PTPRT: variants seen among roughly 807,000 people sequenced by gnomAD.
PTPRT encodes protein tyrosine phosphatase receptor type T, also known as receptor-type tyrosine-protein phosphatase T.
PTPRT carries 56 observed loss-of-function variants against 176.8 expected under a neutral mutation model. That is an observed-to-expected ratio of 0.32 (90% CI 0.26 to 0.40). The LOEUF is 0.40. Among genes scored for constraint, PTPRT ranks in the 10% least tolerant of loss-of-function variants. PTPRT has a pLI of 1.00. For synonymous variants in PTPRT, 783 were observed against 739.0 expected, an observed-to-expected ratio of 1.06 and a Z score of -0.96; for missense variants, 1,540 against 1,908.2, an observed-to-expected ratio of 0.81 and a Z score of 3.60.
At chr20:42,693,511 G>T (rs2075823050) in intron 6 of PTPRT, among the ~76,000 whole-genome samples, 2 of 152,084 alleles carry the variant, frequency 1.3e-5, no homozygotes, top group Non-Finnish European at 2.9e-5. Context: ...CAGTAATTAA[G>T]AAATTGAAAA....
chr20:42,481,814 G>GTA (rs2071391349), intron 7 of PTPRT, among the ~76,000 whole-genome samples: 1 of 150,938 alleles, frequency 6.6e-6, no homozygotes, highest in African/African-American at 2.4e-5. Flanking sequence ...ACGCGCGCAT[G>GTA]TATATATATG....
chr20:42,841,658 CAT>C (rs1322699438), intron 2 of PTPRT, among the ~76,000 whole-genome samples: 2 of 142,872 alleles, frequency 1.4e-5, no homozygotes, highest in Non-Finnish European at 3.1e-5. Context: ...CACACACACA[CAT>C]AATCTCTCTC....
At position 42,521,310 on chromosome 20, in the gene PTPRT, C is replaced by T. The variant is rs150971313; in HGVS notation, c.1154-48748G>A. Among the ~76,000 whole-genome samples, 12 of 152,172 alleles carry T rather than the reference C, an allele frequency of 7.9e-5. No homozygotes were observed. In the East Asian group the frequency reaches 2.3e-3, roughly 29 times the overall value. On this transcript the variant is annotated intron_variant, in intron 7 of 30. Coordinates refer to ENST00000373187, the MANE Select transcript of PTPRT (RefSeq NM_007050.6). ...GTTCTCCTATCTTACAAATGTATTG[C>T]CTTTCTTCTTCACCAAGAATCCTGG...
chr20:42,859,407 C>T (rs1049656864), intron 2 of PTPRT, among the ~76,000 whole-genome samples: 1 of 152,116 alleles, frequency 6.6e-6, no homozygotes, highest in Admixed American at 6.5e-5. Flanking sequence ...CCAACTTGTA[C>T]TTATACCAAC....
chr20:42,430,504 C>T (rs893878286), intron 9 of PTPRT, among the ~76,000 whole-genome samples: 2 of 152,230 alleles, frequency 1.3e-5, no homozygotes, highest in African/African-American at 2.4e-5. Flanking sequence ...GCTTGAGAGG[C>T]CCAACTGCTT....
chr20:42,410,681 C>T (rs2059006812), intron 9 of PTPRT, among the ~76,000 whole-genome samples: 1 of 151,774 alleles, frequency 6.6e-6, no homozygotes, highest in African/African-American at 2.4e-5. Flanking sequence ...TACTATGAAA[C>T]AAATCCTAAC....
chr20:42,967,465 C>T (rs1390367822), intron 1 of PTPRT, among the ~76,000 whole-genome samples: 2 of 152,158 alleles, frequency 1.3e-5, no homozygotes, highest in Non-Finnish European at 2.9e-5. Flanking sequence ...GATGCGGCCA[C>T]AAAGAACGCT....
chr20:42,927,718 G>A (rs1300065874), intron 1 of PTPRT, among the ~76,000 whole-genome samples: 1 of 152,172 alleles, frequency 6.6e-6, no homozygotes, highest in East Asian at 1.9e-4. Context: ...CCATCAGCAT[G>A]CAAGTCCACG....
intron 1 of PTPRT, among the ~76,000 whole-genome samples, chr20:42,904,694 A>G (rs2079450886): frequency 6.6e-6 from 1 of 152,180 alleles, no homozygotes; most frequent in South Asian, 2.1e-4. Flanking sequence ...GCACTTCCCA[A>G]GACCACCCTG....
chr20:42,438,189 T>C (rs1401403528), intron 9 of PTPRT, among the ~76,000 whole-genome samples: 2 of 152,210 alleles, frequency 1.3e-5, no homozygotes, highest in Admixed American at 6.5e-5. Flanking sequence ...GCCCACGCCC[T>C]GACAAATGCA....
At chr20:43,089,417 A>G (rs1286090408) in intron 1 of PTPRT, among the ~76,000 whole-genome samples, 1 of 152,254 alleles carries the variant, frequency 6.6e-6, no homozygotes, top group African/African-American at 2.4e-5. Context: ...AACTGCCTCC[A>G]TGTTGGTCAG....
chr20:42,322,732 T>A (rs931290656), intron 11 of PTPRT, among the ~76,000 whole-genome samples: 4 of 151,830 alleles, frequency 2.6e-5, no homozygotes, highest in African/African-American at 9.7e-5. Flanking sequence ...ACCAAAGCAA[T>A]GGCAACAAAA....
chr20:42,226,908 T>C (rs2056026144), intron 15 of PTPRT, among the ~76,000 whole-genome samples: 1 of 152,138 alleles, frequency 6.6e-6, no homozygotes, highest in South Asian at 2.1e-4. Context: ...CAAATGCCTA[T>C]GAATGAATGA....
chr20:42,695,567 G>C (rs2146136661), intron 6 of PTPRT, among the ~76,000 whole-genome samples: 1 of 152,234 alleles, frequency 6.6e-6, no homozygotes, highest in Non-Finnish European at 1.5e-5. Flanking sequence ...GAAAATTAAA[G>C]AATATACTCA....
At chr20:42,233,455 G>T (rs2056177062) in intron 15 of PTPRT, among the ~76,000 whole-genome samples, 1 of 152,112 alleles carries the variant, frequency 6.6e-6, no homozygotes, top group Non-Finnish European at 1.5e-5. Flanking sequence ...ATTAAATAGG[G>T]ATAATGGTAC....
intron 16 of PTPRT, among the ~76,000 whole-genome samples, chr20:42,193,782 T>C (rs779549672): frequency 3.3e-4 from 50 of 152,350 alleles, no homozygotes; most frequent in South Asian, 1.4e-3. Context: ...GCGCATATTT[T>C]AGATTACATT....
chr20:42,344,995 C>T (rs2058166737), intron 11 of PTPRT, among the ~76,000 whole-genome samples: 1 of 152,054 alleles, frequency 6.6e-6, no homozygotes, highest in South Asian at 2.1e-4. Flanking sequence ...TCCAGGAAGC[C>T]CTCCCAGCTT....
chr20:42,093,262 A>C (rs1372191630), intron 27 of PTPRT, among the ~76,000 whole-genome samples: 1 of 152,176 alleles, frequency 6.6e-6, no homozygotes, highest in Non-Finnish European at 1.5e-5. Flanking sequence ...ATGTGGTTGA[A>C]AATGTTCTTT....
At chr20:42,762,175 T>TTAAAGGCGTCTTA (rs2145426781) in intron 5 of PTPRT, among the ~76,000 whole-genome samples, 1 of 152,336 alleles carries the variant, frequency 6.6e-6, no homozygotes, top group African/African-American at 2.4e-5. Flanking sequence ...ATTCTTTTAA[T>TTAAAGGCGTCTTA]ATATTATTAA....
Sources: allele counts gnomAD v4.1 joint callset (sites outside exome capture counted in the v4.1 genomes callset), GRCh38; gene constraint gnomAD v4.1.1; transcripts MANE v1.5; gene names NCBI Gene and HGNC (gene_info 2026-07-23, HGNC 2026-07-21).